The following IL1RAPL2 variants were observed in gnomAD, a reference collection of about 807,000 sequenced individuals.
IL1RAPL2 encodes the protein X-linked interleukin-1 receptor accessory protein-like 2.
In IL1RAPL2, 3 loss-of-function variants were observed where a neutral mutation model predicts 44.1. That is an observed-to-expected ratio of 0.07 (90% CI 0.03 to 0.18). The LOEUF (loss-of-function observed/expected upper bound fraction) is 0.18. Among genes scored for constraint, IL1RAPL2 ranks in the 10% least tolerant of loss-of-function variants. The pLI is 1.00. For missense variants in IL1RAPL2, 391 were observed against 496.4 expected (o/e 0.79, Z 2.02); for synonymous variants, 181 against 178.8 (o/e 1.01, Z -0.10).
At chrX:105,432,129 C>CTTTTTTTTTTTTTTT (rs386417369) in intron 5 of IL1RAPL2, among the ~76,000 whole-genome samples, 4 of 44,832 alleles carry the variant, frequency 8.9e-5, no homozygotes, top group East Asian at 8.8e-4. Context: ...TTCAATTTGC[C>CTTTTTTTTTTTTTTT]TTTTTTTTTT....
chrX:104,643,527 G>A (rs185248766), intron 1 of IL1RAPL2, among the ~76,000 whole-genome samples: 1 of 111,482 alleles, frequency 9.0e-6, no homozygotes, highest in Non-Finnish European at 1.9e-5. Context: ...GGGCCTTAAA[G>A]AGGTTAAAAC....
chrX:105,704,368 C>T (rs1290635036), intron 6 of IL1RAPL2, among the ~76,000 whole-genome samples: 2 of 111,144 alleles, frequency 1.8e-5, no homozygotes, highest in African/African-American at 3.3e-5. Context: ...AAGATATCTG[C>T]GTAATATATA....
At chrX:105,143,231 CACAA>C (rs1365932875) in intron 2 of IL1RAPL2, among the ~76,000 whole-genome samples, 1 of 111,431 alleles carries the variant, frequency 9.0e-6, no homozygotes, top group Non-Finnish European at 1.9e-5. Context: ...CTACAATGAA[CACAA>C]ACAAATTCAC....
At chrX:104,949,878 A>G (rs1203203469) in intron 2 of IL1RAPL2, among the ~76,000 whole-genome samples, 1 of 111,408 alleles carries the variant, frequency 9.0e-6, no homozygotes, top group East Asian at 2.8e-4. Context: ...TGTGGTGCTG[A>G]AAAAAATGTA....
chrX:104,944,973 A>C (rs1439455640), intron 2 of IL1RAPL2, among the ~76,000 whole-genome samples: 2 of 111,734 alleles, frequency 1.8e-5, no homozygotes. Flanking sequence ...CCTACTTTAA[A>C]AGTTGTAAGG....
chrX:105,356,876 G>C lies in IL1RAPL2; in HGVS notation c.697+89335G>C, dbSNP rs149776845. 4.5e-3 allele frequency among the ~76,000 whole-genome samples: 506 copies of C among 112,027 alleles called. 5 individuals are homozygous for C. The highest frequency in any genetic ancestry group is 0.016 in the African/African-American group (480 of 30,877). ...ATCAAACTCAACAAACCTTGGTAAT[G>C]GATTGAATGATGTGGGTGAAGGAAC... On this transcript the variant is annotated intron_variant, in intron 5 of 10. Transcript: ENST00000372582.
intron 2 of IL1RAPL2, among the ~76,000 whole-genome samples, chrX:105,163,257 T>A (rs1315653774): frequency 8.9e-6 from 1 of 111,997 alleles, no homozygotes; most frequent in Non-Finnish European, 1.9e-5. Flanking sequence ...TGATTCCTGT[T>A]CTATGCTTTG....
chrX:105,066,627 T>G (rs1195402198), intron 2 of IL1RAPL2, among the ~76,000 whole-genome samples: 1 of 111,646 alleles, frequency 9.0e-6, no homozygotes, highest in African/African-American at 3.3e-5. Context: ...GTCTGTACAC[T>G]CAAATAATCA....
intron 6 of IL1RAPL2, among the ~76,000 whole-genome samples, chrX:105,515,100 C>T (rs1169756176): frequency 4.4e-4 from 49 of 111,796 alleles, no homozygotes; most frequent in Non-Finnish European, 1.9e-5. Flanking sequence ...TAGGGACATC[C>T]ATGAGTTTGT....
intron 2 of IL1RAPL2, among the ~76,000 whole-genome samples, chrX:104,870,944 T>C (rs2147652339): frequency 9.0e-6 from 1 of 111,372 alleles, no homozygotes; most frequent in Non-Finnish European, 1.9e-5. Flanking sequence ...GAGTTCTCTG[T>C]GAAAATGTTC....
rs1194148816 is a variant in IL1RAPL2 at position 104,901,199 on chromosome X, C to CTTTTTTTTT, written c.82+242225_82+242233dup. ...AGGAGTTGGTTGCTTTCTTTTGCTTCTTTTTTTTTTTTTTTTTTTTTTTTT... is the reference window on the plus strand; with the variant it reads ...AGGAGTTGGTTGCTTTCTTTTGCTTCTTTTTTTTTTTTTTTTTTTTTTTTTTTTTTTTTT... On this transcript the variant is annotated intron_variant, in intron 2 of 10. Coordinates refer to ENST00000372582, the MANE Select transcript of IL1RAPL2 (RefSeq NM_017416.2). 2.2e-4 allele frequency among the ~76,000 whole-genome samples: 7 copies of CTTTTTTTTT among 32,119 alleles called. 1 individual carries two copies. The highest frequency in any genetic ancestry group is 5.4e-4 in the African/African-American group (4 of 7,447). 27.9% of individuals were successfully genotyped at this position (32,119 alleles called of 115,157 possible).
intron 2 of IL1RAPL2, among the ~76,000 whole-genome samples, chrX:105,022,829 T>C (rs917578996): frequency 2.7e-5 from 3 of 110,777 alleles, no homozygotes; most frequent in African/African-American, 9.8e-5. Context: ...AGATTTTCTC[T>C]TGTGGAGAAT....
At chrX:104,618,140 G>A (rs963214775) in intron 1 of IL1RAPL2, among the ~76,000 whole-genome samples, 5 of 111,912 alleles carry the variant, frequency 4.5e-5, no homozygotes, top group Non-Finnish European at 9.4e-5. Context: ...ACTTTTGGGG[G>A]GCAGGTTTTA....
chrX:105,295,039 T>A (rs374204693), intron 5 of IL1RAPL2, among the ~76,000 whole-genome samples: 2 of 111,350 alleles, frequency 1.8e-5, no homozygotes, highest in East Asian at 5.7e-4. Context: ...TATGAGCTCA[T>A]TATAGAGGAA....
intron 5 of IL1RAPL2, among the ~76,000 whole-genome samples, chrX:105,454,440 A>G (rs1403938060): frequency 9.0e-6 from 1 of 111,248 alleles, no homozygotes; most frequent in African/African-American, 3.3e-5. Flanking sequence ...ACAAAAGGCT[A>G]TAATGTCACA....
chrX:105,020,974 G>A (rs1321379626), intron 2 of IL1RAPL2, among the ~76,000 whole-genome samples: 2 of 111,849 alleles, frequency 1.8e-5, no homozygotes, highest in Non-Finnish European at 3.8e-5. Flanking sequence ...AATTTATCAT[G>A]GTTATTTGAA....
chrX:104,750,718 G>C (rs773317629), intron 2 of IL1RAPL2, among the ~76,000 whole-genome samples: 5 of 111,071 alleles, frequency 4.5e-5, no homozygotes, highest in Admixed American at 1.9e-4. Context: ...GGATATAGTT[G>C]CTAATTAATC....
At chrX:104,673,991 A>T (rs1930681420) in intron 2 of IL1RAPL2, among the ~76,000 whole-genome samples, 1 of 111,106 alleles carries the variant, frequency 9.0e-6, no homozygotes, top group Non-Finnish European at 1.9e-5. Context: ...GCTTAAGGAG[A>T]TTTTGGGCTG....
chrX:105,399,709 CATTT>C (rs2035593004), intron 5 of IL1RAPL2, among the ~76,000 whole-genome samples: 1 of 111,328 alleles, frequency 9.0e-6, no homozygotes, highest in Non-Finnish European at 1.9e-5. Flanking sequence ...TTTTCAACTT[CATTT>C]ATTTATGAGC....
Sources: gnomAD v4.1 joint callset for allele counts (sites outside exome capture counted in the v4.1 genomes callset) on GRCh38, gnomAD v4.1.1 for gene constraint, MANE v1.5 for transcripts, NCBI Gene and HGNC (gene_info 2026-07-23, HGNC 2026-07-21) for gene names.